APOL4: variants seen among roughly 807,000 people sequenced by gnomAD.
APOL4 encodes apolipoprotein L, 4.
In APOL4, 14 loss-of-function variants were observed where a neutral mutation model predicts 12.1. The ratio of observed to expected loss-of-function variants is 1.16; its 90% CI spans 0.76 to 1.81. The LOEUF (loss-of-function observed/expected upper bound fraction) is 1.81, where lower values mean the gene tolerates loss of function less well. Ranked by LOEUF, APOL4 falls within the 40% of genes most tolerant of loss-of-function variation. The probability of loss-of-function intolerance (pLI) is 0.00; values close to 1 mark genes in which losing one functional copy is unlikely to be tolerated. For missense variants in APOL4, 432 were observed against 423.1 expected, an observed-to-expected ratio of 1.02 and a Z score of -0.18; for synonymous variants, 171 against 160.6, an observed-to-expected ratio of 1.06 and a Z score of -0.49.
intron 3 of APOL4, among the ~76,000 whole-genome samples, chr22:36,192,207 G>A (rs2014277952): frequency 6.6e-6 from 1 of 152,136 alleles, no homozygotes; most frequent in Admixed American, 6.5e-5. Context: ...AGGCGTGGTG[G>A]TGAGTGCCTG....
In APOL4 at chr22:36,199,321, A is replaced by G. The variant is rs756822878; in HGVS notation, c.82+9T>C. 6.2e-7 allele frequency: 1 copy of G among 1,614,084 alleles called. No homozygotes were observed. On this transcript the variant is annotated intron_variant, in intron 2 of 3. Transcript: ENST00000683024. ...AGCCTACCAGCAGCCAGGTCTCTGAAAGGCTTACCTTGGAACTGTCCAGCC... is the reference window on the plus strand; with the variant it reads ...AGCCTACCAGCAGCCAGGTCTCTGAGAGGCTTACCTTGGAACTGTCCAGCC...
intron 2 of APOL4, among the ~76,000 whole-genome samples, chr22:36,196,880 A>G (rs2014425788): frequency 6.6e-6 from 1 of 152,168 alleles, no homozygotes; most frequent in Admixed American, 6.5e-5. Flanking sequence ...TCTCCCCTGT[A>G]GTATACCTGT....
chr22:36,200,231 C>CACAA (rs2014532397), intron 1 of APOL4, among the ~76,000 whole-genome samples: 1 of 152,216 alleles, frequency 6.6e-6, no homozygotes, highest in Non-Finnish European at 1.5e-5. Flanking sequence ...CCAGTGTTTT[C>CACAA]TATTGCTAGA....
chr22:36,191,293 C>G lies in APOL4; in HGVS notation c.829G>C (p.Ala277Pro), dbSNP rs760929730. Residue 277 changes from alanine (A) to proline (P), a missense_variant, in exon 4 of 4, where the codon GCC becomes CCC. Transcript: ENST00000683024. ...NVVETLRTRG[A>P]PTRIVRKVAR... is the part of the protein sequence containing the mutation. ...ACTTTTCTCACTATCCGGGTGGGGG[C>G]CCCACGTGTTCTCAGTGTCTCAACA... 5.0e-6 allele frequency: 8 copies of G among 1,614,044 alleles called. No homozygotes were observed. The highest frequency in any genetic ancestry group is 1.1e-5 in the South Asian group (1 of 91,084).
chr22:36,197,678 G>C (rs758078323), intron 2 of APOL4: 3 of 1,550,298 alleles, frequency 1.9e-6, no homozygotes, highest in Non-Finnish European at 1.7e-6. Flanking sequence ...GGCCAGTCAT[G>C]AGCAGCCAGC....
chr22:36,194,527 C>A (rs775131278), intron 3 of APOL4, among the ~76,000 whole-genome samples: 2 of 152,150 alleles, frequency 1.3e-5, no homozygotes, highest in African/African-American at 2.4e-5. Context: ...GGTCTTTGGG[C>A]GGCATCATGC....
At chr22:36,199,815 T>C (rs1024767162) in intron 1 of APOL4, among the ~76,000 whole-genome samples, 1 of 150,932 alleles carries the variant, frequency 6.6e-6, no homozygotes, top group Non-Finnish European at 1.5e-5. Flanking sequence ...TTTTTATTTA[T>C]TTATATTTTT....
In APOL4 at chr22:36,199,995, G is replaced by A. The variant is rs1284174286; in HGVS notation, c.36-619C>T. On this transcript the variant is annotated intron_variant, in intron 1 of 3. Coordinates refer to ENST00000683024, the MANE Select transcript of APOL4 (RefSeq NM_001386885.1). ...GCTAATTTTTTGTATTTTCAGTAGA[G>A]AAGGGGTTTCACCGTGTTAGCCAGG... Among the ~76,000 whole-genome samples the A allele has an allele frequency of 5.3e-5, 8 of 152,068 alleles. No homozygotes were observed. In the East Asian group the frequency reaches 1.5e-3, roughly 29 times the overall value.
chr22:36,195,541 C>G, intron 2 of APOL4, 104 bp from the exon 3 acceptor site: 1 of 1,358,766 alleles, frequency 7.4e-7, no homozygotes, highest in African/African-American at 1.5e-5. Context: ...CCAGCTGTCA[C>G]ATGGGGTATT....
chr22:36,203,672 C>T (rs989988766), upstream of APOL4, among the ~76,000 whole-genome samples: 19 of 152,146 alleles, frequency 1.2e-4, no homozygotes, highest in South Asian at 2.1e-4. Flanking sequence ...TATACCTGAA[C>T]CCTAAAGATG....
chr22:36,195,301 T>C lies in APOL4; in HGVS notation c.209+10A>G, dbSNP rs912633897. 4 of 1,613,208 alleles carry C rather than the reference T, an allele frequency of 2.5e-6. No individual in the cohort carries two copies. The highest frequency in any genetic ancestry group is 1.3e-5 in the African/African-American group (1 of 75,000). ...GGGGTGCCCCAAGGAGGTAACCCCA[T>C]GGAGGTTACCTGGGCAATTCAGCCA... is the stretch of plus-strand genomic sequence containing the variant. On this transcript the variant is annotated intron_variant, in intron 3 of 3. Transcript: ENST00000683024.
chr22:36,192,655 G>T (rs986928820), intron 3 of APOL4, among the ~76,000 whole-genome samples: 9 of 152,176 alleles, frequency 5.9e-5, no homozygotes, highest in Non-Finnish European at 1.3e-4. Context: ...TTTGTCCTCG[G>T]CCCCTGGAAA....
chr22:36,191,891 A>G lies in APOL4; in HGVS notation c.231T>C (p.Tyr77=). 1 of 1,604,092 alleles carries G rather than the reference A, an allele frequency of 6.2e-7. No individual in the cohort carries two copies. The highest frequency in any genetic ancestry group is 8.5e-7 in the Non-Finnish European group (1 of 1,177,612). Residue 77 remains tyrosine, a synonymous_variant, in exon 4 of 4, where the codon TAT becomes TAC. Coordinates refer to ENST00000683024, the MANE Select transcript of APOL4 (RefSeq NM_001386885.1). ...ELPREEADAL[Y]EALKNLTPYV... is the part of the protein sequence containing the mutation. ...ATGGTGTAAGATTCTTCAGAGCTTC[A>G]TAGAGAGCATCTGCCTCTTCCCTGT...
Position 36,191,250 on chromosome 22 carries a change from T to C in APOL4, c.872A>G (p.Lys291Arg). The C allele has an allele frequency of 3.1e-6, 5 of 1,614,068 alleles. No individual in the cohort carries two copies. The highest frequency in any genetic ancestry group is 2.2e-5 in the South Asian group (2 of 91,084). ...IVRKVARNLG[K>R]ATSGVLVVLD... Reference sequence around the variant, plus strand: ...CACAACAAGGACACCTGAAGTGGCCTTGCCCAGGTTCCGGGCTACTTTTCT... The same window carrying C: ...CACAACAAGGACACCTGAAGTGGCCCTGCCCAGGTTCCGGGCTACTTTTCT... The change falls in exon 4 of 4, where the codon AAG (lysine) becomes AGG (arginine). Residue 291 changes from lysine (K) to arginine (R), a missense_variant. Transcript: ENST00000683024.
chr22:36,201,825 G>A, upstream of APOL4: 1 of 1,572,736 alleles, frequency 6.4e-7, no homozygotes, highest in Non-Finnish European at 8.6e-7. Flanking sequence ...CCTCAACTAG[G>A]ACACAGTGCG....
chr22:36,202,949 G>A (rs1341555895), upstream of APOL4, among the ~76,000 whole-genome samples: 2 of 152,094 alleles, frequency 1.3e-5, no homozygotes, highest in African/African-American at 4.8e-5. Context: ...GAAGAAAAAC[G>A]GGTGATTTTA....
At chr22:36,204,492 A>G, upstream of APOL4, 1 of 207,246 alleles carries the variant, frequency 4.8e-6, no homozygotes, top group Non-Finnish European at 9.7e-6. Flanking sequence ...TCCCGGCTCT[A>G]CCACTGCTTT....
intron 1 of APOL4, among the ~76,000 whole-genome samples, chr22:36,201,391 C>A (rs1038025102): frequency 2.0e-5 from 3 of 151,058 alleles, no homozygotes; most frequent in Non-Finnish European, 4.4e-5. Context: ...CTTTCCCTTT[C>A]CTGCCTTTGT....
upstream of APOL4, among the ~76,000 whole-genome samples, chr22:36,202,277 G>C (rs1201490696): frequency 1.3e-5 from 2 of 152,060 alleles, no homozygotes; most frequent in Admixed American, 1.3e-4. Context: ...GGGCTAATTT[G>C]TTAATTTTTG....
Sources: allele counts gnomAD v4.1 joint callset (sites outside exome capture counted in the v4.1 genomes callset), GRCh38; gene constraint gnomAD v4.1.1; transcripts MANE v1.5; gene names NCBI Gene and HGNC (gene_info 2026-07-23, HGNC 2026-07-21).